Variants in FBXO11 observed in about 807,000 individuals in gnomAD.
The protein encoded by FBXO11 is F-box protein 11.
Under a neutral mutation model 117.0 loss-of-function variants are expected in FBXO11, and 13 were observed. The observed-to-expected ratio is 0.11, with a 90% CI of 0.07 to 0.18. The LOEUF (loss-of-function observed/expected upper bound fraction) is 0.18, where lower values mean the gene tolerates loss of function less well. FBXO11 is among the 10% of genes least tolerant of loss of function. The probability of loss-of-function intolerance (pLI) is 1.00; values close to 1 mark genes in which losing one functional copy is unlikely to be tolerated. For synonymous variants in FBXO11, 490 were observed against 380.5 expected (o/e 1.29, Z -3.35); for missense variants, 767 against 1,164.4 (o/e 0.66, Z 4.97).
At chr2:47,878,313 T>C (rs1264818540) in intron 1 of FBXO11, among the ~76,000 whole-genome samples, 1 of 152,144 alleles carries the variant, frequency 6.6e-6, no homozygotes, top group African/African-American at 2.4e-5. Context: ...CAGATTTTGA[T>C]AGATTCATGT....
intron 1 of FBXO11, among the ~76,000 whole-genome samples, chr2:47,856,594 A>G (rs995674781): frequency 1.3e-5 from 2 of 152,262 alleles, no homozygotes; most frequent in Non-Finnish European, 2.9e-5. Context: ...CAAAACAGCT[A>G]GAAATAATCT....
rs561431246 is a variant in FBXO11, at chr2:47,864,374, G to C, written c.233-24605C>G. 5.9e-5 allele frequency among the ~76,000 whole-genome samples: 9 copies of C among 152,268 alleles called. No homozygotes were observed. The East Asian group carries it at 1.4e-3, about 23-fold the overall frequency. On this transcript the variant is annotated intron_variant, in intron 1 of 22. Coordinates refer to ENST00000403359, the MANE Select transcript of FBXO11 (RefSeq NM_001190274.2). ...AGGCCAGGGCAGGCAGATCACCTGA[G>C]GTCAGGAGTTCAAGACCAGCCTGGC...
chr2:47,820,502 GA>G (rs746073307), intron 13 of FBXO11, 46 bp from the exon 14 acceptor site: 1 of 1,444,730 alleles, frequency 6.9e-7, no homozygotes, highest in Non-Finnish European at 9.7e-7. Flanking sequence ...TGAGCCTAGA[GA>G]ATACAGTAAG....
intron 1 of FBXO11, among the ~76,000 whole-genome samples, chr2:47,902,406 A>C (rs934680701): frequency 2.0e-5 from 3 of 152,218 alleles, no homozygotes; most frequent in Non-Finnish European, 2.9e-5. Flanking sequence ...GTGGGGTGTA[A>C]GAAATGCTCC....
intron 11 of FBXO11, among the ~76,000 whole-genome samples, chr2:47,824,984 A>G (rs555277628): frequency 5.9e-5 from 9 of 152,264 alleles, no homozygotes; most frequent in African/African-American, 2.2e-4. Flanking sequence ...CGATATTTAT[A>G]TATGTCCATT....
In FBXO11 at chr2:47,824,761, C is replaced by T. The variant is rs187495271; in HGVS notation, c.1399-1401G>A. 1.6e-4 allele frequency among the ~76,000 whole-genome samples: 24 copies of T among 152,182 alleles called. No homozygotes were observed. In the East Asian group the frequency reaches 4.6e-3, roughly 29 times the overall value. ...ATGGATAATTATGTGTTTCTTCATA[C>T]TTTGAATTTCTTAAATTTCCTATAT... On this transcript the variant is annotated intron_variant, in intron 11 of 22. Coordinates refer to ENST00000403359, the MANE Select transcript of FBXO11 (RefSeq NM_001190274.2).
At chr2:47,813,425 A>ATTTTTTTTTTTTTTTATTTTTTTTTT (rs1670765213) in intron 17 of FBXO11, 48 bp from the exon 18 acceptor site, 1 of 327,432 alleles carries the variant, frequency 3.1e-6, no homozygotes, top group Non-Finnish European at 4.2e-6. Flanking sequence ...TTTCTTTTTA[A>ATTTTTTTTTTTTTTTATTTTTTTTTT]TTTTTTTTTT....
intron 1 of FBXO11, among the ~76,000 whole-genome samples, chr2:47,901,316 T>C (rs1017470985): frequency 3.3e-5 from 5 of 151,722 alleles, no homozygotes; most frequent in African/African-American, 9.7e-5. Context: ...ATTCATTAAA[T>C]TTCTTGAACT....
chr2:47,842,914 GGA>G (rs1673120754), intron 1 of FBXO11, among the ~76,000 whole-genome samples: 1 of 152,112 alleles, frequency 6.6e-6, no homozygotes, highest in Non-Finnish European at 1.5e-5. Context: ...TCGAACAGCT[GGA>G]ACTGCAGATG....
chr2:47,896,540 G>C (rs2348498), intron 1 of FBXO11, among the ~76,000 whole-genome samples: 5,159 of 152,118 alleles, frequency 0.034, 165 homozygotes, highest in African/African-American at 0.082. Context: ...ATGTTGCCCA[G>C]GCAGGTCTCA....
intron 1 of FBXO11, among the ~76,000 whole-genome samples, chr2:47,868,142 G>A (rs1012129303): frequency 4.6e-5 from 7 of 152,064 alleles, no homozygotes; most frequent in African/African-American, 1.4e-4. Context: ...TGGATGGTCC[G>A]AAATGTATAA....
intron 4 of FBXO11, among the ~76,000 whole-genome samples, chr2:47,838,490 A>G (rs1672764271): frequency 6.8e-6 from 1 of 147,144 alleles, no homozygotes; most frequent in African/African-American, 2.7e-5. Flanking sequence ...AATTATTTAA[A>G]GATTCATGAA....
chr2:47,818,913 C>CA lies in FBXO11; in HGVS notation c.1920+42dup, dbSNP rs1410068884. 1.9e-6 allele frequency: 3 copies of CA among 1,567,830 alleles called. No homozygotes were observed. In the African/African-American group the frequency reaches 4.2e-5, roughly 22 times the overall value. ...AGCTTTTTCAAGGGACAAGTATTTACAAAACAATGTATTTCCCATCCAAGA... is the reference window on the plus strand; with the variant it reads ...AGCTTTTTCAAGGGACAAGTATTTACAAAAACAATGTATTTCCCATCCAAGA... On this transcript the variant is annotated intron_variant, in intron 15 of 22. Transcript: ENST00000403359.
intron 1 of FBXO11, among the ~76,000 whole-genome samples, chr2:47,867,536 G>C (rs994466660): frequency 6.6e-6 from 1 of 152,184 alleles, no homozygotes; most frequent in Non-Finnish European, 1.5e-5. Flanking sequence ...CAGTATAAAT[G>C]ATTACTGTAA....
At chr2:47,842,324 T>G (rs914011532) in intron 1 of FBXO11, among the ~76,000 whole-genome samples, 5 of 152,154 alleles carry the variant, frequency 3.3e-5, no homozygotes, top group African/African-American at 7.2e-5. Context: ...AGGAGGAGAA[T>G]ATAATTAGAA....
Position 47,839,769 on chromosome 2 carries a change from T to C in FBXO11, c.233A>G (p.Asp78Gly). 1 of 1,611,942 alleles carries C rather than the reference T, an allele frequency of 6.2e-7. No homozygotes were observed. The highest frequency in any genetic ancestry group is 1.7e-5 in the Admixed American group (1 of 59,436). ...PQERNNVGER[D>G]DDVPADMVAE... ...AACCATATCTGCAGGCACATCATCA[T>C]CTGTTATAAACAAAAGCAATAAGAA... The change falls in exon 2 of 23, where the codon GAT (aspartate) becomes GGT (glycine). Residue 78 changes from aspartate to glycine, a missense_variant and splice_region_variant. Physicochemically the swap from Asp to Gly is moderately conservative, Grantham distance 94 (BLOSUM62 -1). Around this residue, in one of 10 missense-constraint regions of FBXO11, gnomAD observed 355 missense variants for 299.8 expected, o/e 1.18. Transcript: ENST00000403359.
intron 1 of FBXO11, among the ~76,000 whole-genome samples, chr2:47,897,440 T>C (rs537989982): frequency 6.6e-6 from 1 of 152,334 alleles, no homozygotes; most frequent in East Asian, 1.9e-4. Flanking sequence ...CTCACGCCTG[T>C]AATCCCAGCA....
At chr2:47,840,294 G>T (rs1215972630) in intron 1 of FBXO11, among the ~76,000 whole-genome samples, 1 of 151,954 alleles carries the variant, frequency 6.6e-6, no homozygotes, top group Non-Finnish European at 1.5e-5. Flanking sequence ...CTTGCTGAGA[G>T]GAGTGGGAAG....
At chr2:47,873,580 G>A (rs923882926) in intron 1 of FBXO11, among the ~76,000 whole-genome samples, 12 of 152,000 alleles carry the variant, frequency 7.9e-5, no homozygotes, top group African/African-American at 2.9e-4. Flanking sequence ...AAAGGCACTT[G>A]TGTCTCTTAT....
Sources: allele counts gnomAD v4.1 joint callset (sites outside exome capture counted in the v4.1 genomes callset), GRCh38; gene constraint gnomAD v4.1.1; regional missense constraint gnomAD v4.1.1; transcripts MANE v1.5; gene names NCBI Gene and HGNC (gene_info 2026-07-23, HGNC 2026-07-21).